The following TASP1 variants were observed in gnomAD, a reference collection of about 807,000 sequenced individuals.
The protein encoded by TASP1 is threonine aspartase 1.
TASP1 carries 16 observed loss-of-function variants against 56.6 expected under a neutral mutation model. The observed-to-expected ratio is 0.28, with a 90% confidence interval of 0.19 to 0.43. The LOEUF (loss-of-function observed/expected upper bound fraction) is 0.43. Ranked by LOEUF, TASP1 falls within the 20% of genes least tolerant of loss-of-function variation. The pLI is 1.00. For missense variants in TASP1, 393 were observed against 511.6 expected, an observed-to-expected ratio of 0.77 and a Z score of 2.24; for synonymous variants, 179 against 184.2, an observed-to-expected ratio of 0.97 and a Z score of 0.23.
the TASP1 span, among the ~76,000 whole-genome samples, chr20:13,153,500 A>G: frequency 2.0e-5 from 3 of 152,168 alleles, no homozygotes; most frequent in Non-Finnish European, 4.4e-5. Context: ...GTCTATGAAT[A>G]TGCTATCCCT....
chr20:13,503,189 C>T (rs2044007837), intron 10 of TASP1, among the ~76,000 whole-genome samples: 2 of 152,186 alleles, frequency 1.3e-5, no homozygotes, highest in African/African-American at 4.8e-5. Flanking sequence ...TGCACACAAG[C>T]CATGTGGGAT....
the TASP1 span, among the ~76,000 whole-genome samples, chr20:13,268,575 G>A: frequency 1.3e-5 from 2 of 152,184 alleles, no homozygotes; most frequent in African/African-American, 4.8e-5. Context: ...CTGAGCTGTG[G>A]AAAGGCGAGC....
downstream of TASP1, among the ~76,000 whole-genome samples, chr20:13,388,824 A>G (rs765166910): frequency 2.1e-4 from 32 of 152,222 alleles, no homozygotes; most frequent in Non-Finnish European, 7.3e-5. Flanking sequence ...CAGGAATACA[A>G]ATCAGCAACT....
intron 13 of TASP1, among the ~76,000 whole-genome samples, chr20:13,416,716 C>A (rs556521395): frequency 6.6e-6 from 1 of 152,280 alleles, no homozygotes; most frequent in Admixed American, 6.5e-5. Context: ...ACATCACAGG[C>A]CACAGCTGTT....
intron 11 of TASP1, among the ~76,000 whole-genome samples, chr20:13,469,802 T>TTTTTTTTTTTTTTTTG (rs2044412948): frequency 1.1e-5 from 1 of 91,412 alleles, no homozygotes; most frequent in Admixed American, 1.1e-4. Context: ...CTTTTTTTTT[T>TTTTTTTTTTTTTTTTG]TTTTTTTTTT....
intron 1 of TASP1, among the ~76,000 whole-genome samples, chr20:13,638,359 C>T (rs2049387332): frequency 6.6e-6 from 1 of 151,998 alleles, no homozygotes. Context: ...CTAGCTCCTG[C>T]TTTCCCCCCC....
chr20:13,342,653 G>A, the TASP1 span, among the ~76,000 whole-genome samples: 5 of 152,286 alleles, frequency 3.3e-5, no homozygotes, highest in East Asian at 3.9e-4. Context: ...AGGAATGAGC[G>A]GAACTCCCAG....
chr20:13,569,474 A>G, intron 7 of TASP1, 33 bp downstream of exon 7: 1 of 1,565,182 alleles, frequency 6.4e-7, no homozygotes, highest in South Asian at 1.1e-5. Flanking sequence ...ATATATGCTC[A>G]TATAGCTTAA....
chr20:13,105,273 A>C, the TASP1 span, among the ~76,000 whole-genome samples: 1 of 151,786 alleles, frequency 6.6e-6, no homozygotes, highest in South Asian at 2.1e-4. Flanking sequence ...GGAGGAAAAA[A>C]AAAATGGCTA....
the TASP1 span, among the ~76,000 whole-genome samples, chr20:13,355,043 G>A: frequency 6.6e-6 from 1 of 152,100 alleles, no homozygotes; most frequent in African/African-American, 2.4e-5. Context: ...AGATTGTGAT[G>A]TTATAATGTT....
chr20:13,205,513 G>C, the TASP1 span, among the ~76,000 whole-genome samples: 2 of 152,182 alleles, frequency 1.3e-5, no homozygotes, highest in South Asian at 4.1e-4. Flanking sequence ...AGCTGATTTA[G>C]TGTCTGATGT....
At chr20:13,266,283 T>TA in the TASP1 span, among the ~76,000 whole-genome samples, 1 of 152,212 alleles carries the variant, frequency 6.6e-6, no homozygotes, top group African/African-American at 2.4e-5. Context: ...TGCTAGGCTG[T>TA]AAGAAGAGGA....
chr20:13,242,646 T>G, the TASP1 span, among the ~76,000 whole-genome samples: 1 of 152,196 alleles, frequency 6.6e-6, no homozygotes, highest in Non-Finnish European at 1.5e-5. Context: ...GCACTTCTCT[T>G]GAATGGAGGT....
the TASP1 span, among the ~76,000 whole-genome samples, chr20:13,146,832 C>T: frequency 1.3e-5 from 2 of 152,174 alleles, no homozygotes; most frequent in Non-Finnish European, 2.9e-5. Context: ...TCATCATGAG[C>T]GAGTTTACCA....
chr20:13,177,552 A>G, the TASP1 span, among the ~76,000 whole-genome samples: 16 of 152,214 alleles, frequency 1.1e-4, no homozygotes. Flanking sequence ...TGGTGCTGGC[A>G]TAAAAACAGA....
chr20:13,405,976 T>C (rs531440241), intron 13 of TASP1, among the ~76,000 whole-genome samples: 1 of 152,324 alleles, frequency 6.6e-6, no homozygotes, highest in East Asian at 1.9e-4. Flanking sequence ...CTCAGAATGC[T>C]GTGAAACTGC....
chr20:13,221,715 C>A, the TASP1 span: 1 of 1,318,788 alleles, frequency 7.6e-7, no homozygotes, highest in Non-Finnish European at 9.7e-7. Flanking sequence ...CCTCCTCCCC[C>A]GGCGTCACCG....
chr20:13,444,145 A>G (rs1172036051), intron 11 of TASP1, among the ~76,000 whole-genome samples: 1 of 152,126 alleles, frequency 6.6e-6, no homozygotes, highest in Non-Finnish European at 1.5e-5. Flanking sequence ...TTAGAGATTC[A>G]TCTCTACCCA....
chr20:13,362,268 T>C, the TASP1 span, among the ~76,000 whole-genome samples: 1 of 151,654 alleles, frequency 6.6e-6, no homozygotes, highest in Admixed American at 6.6e-5. Flanking sequence ...AGCCAAGCCA[T>C]CGCATCCCCT....
Sources: gnomAD v4.1 joint callset for allele counts (sites outside exome capture counted in the v4.1 genomes callset) on GRCh38, gnomAD v4.1.1 for gene constraint, MANE v1.5 for transcripts, NCBI Gene and HGNC (gene_info 2026-07-23, HGNC 2026-07-21) for gene names.